MAGI1: variants seen among roughly 807,000 people sequenced by gnomAD.
MAGI1 encodes membrane associated guanylate kinase, WW and PDZ domain containing 1.
A neutral mutation model predicts 139.9 loss-of-function variants in MAGI1; 58 were observed. The observed-to-expected ratio is 0.41, with a 90% CI of 0.34 to 0.52. The LOEUF is 0.52. Ranked by LOEUF, MAGI1 falls within the 20% of genes least tolerant of loss-of-function variation. MAGI1 has a pLI of 0.12. For missense variants in MAGI1, 1,874 were observed against 1,901.6 expected (o/e 0.99, Z 0.27); for synonymous variants, 812 against 737.9 (o/e 1.10, Z -1.63).
chr3:65,621,665 C>T (rs1054770676), intron 2 of MAGI1, among the ~76,000 whole-genome samples: 1 of 152,142 alleles, frequency 6.6e-6, no homozygotes, highest in African/African-American at 2.4e-5. Flanking sequence ...GCCTTCTGTG[C>T]CTGATCTCAT....
At chr3:65,653,311 A>C (rs1411673751) in intron 1 of MAGI1, among the ~76,000 whole-genome samples, 2 of 152,198 alleles carry the variant, frequency 1.3e-5, no homozygotes, top group East Asian at 3.9e-4. Context: ...GAAGCCTCCT[A>C]ATCAGTCGCT....
chr3:65,921,247 A>T (rs1162400717), intron 1 of MAGI1, among the ~76,000 whole-genome samples: 2 of 152,138 alleles, frequency 1.3e-5, no homozygotes, highest in African/African-American at 4.8e-5. Flanking sequence ...ATGTATAACA[A>T]AAAAAATTGA....
chr3:65,800,616 GA>G (rs2108126602), intron 1 of MAGI1, among the ~76,000 whole-genome samples: 1 of 143,496 alleles, frequency 7.0e-6, no homozygotes, highest in South Asian at 2.4e-4. Flanking sequence ...CCCACCATGG[GA>G]AATACGTTTT....
At chr3:65,871,899 C>A (rs1474622299) in intron 1 of MAGI1, among the ~76,000 whole-genome samples, 1 of 152,186 alleles carries the variant, frequency 6.6e-6, no homozygotes, top group Admixed American at 6.5e-5. Context: ...GGCTGCTATT[C>A]TATTCTGCCT....
chr3:65,676,190 A>T (rs1445667473), intron 1 of MAGI1, among the ~76,000 whole-genome samples: 2 of 152,214 alleles, frequency 1.3e-5, no homozygotes, highest in Non-Finnish European at 1.5e-5. Context: ...GTTTCTCTAT[A>T]CAGAGAAACT....
intron 1 of MAGI1, among the ~76,000 whole-genome samples, chr3:65,652,870 G>T (rs1232715799): frequency 1.3e-5 from 2 of 152,098 alleles, no homozygotes; most frequent in African/African-American, 4.8e-5. Context: ...AATTATTATG[G>T]GGCATACCTG....
At chr3:65,813,431 A>G (rs551977534) in intron 1 of MAGI1, among the ~76,000 whole-genome samples, 1 of 152,068 alleles carries the variant, frequency 6.6e-6, no homozygotes, top group South Asian at 2.1e-4. Context: ...GCGAATTATG[A>G]AAAAAAATGA....
intron 1 of MAGI1, among the ~76,000 whole-genome samples, chr3:65,688,842 G>A (rs559380312): frequency 6.6e-5 from 10 of 152,248 alleles, no homozygotes; most frequent in Admixed American, 6.5e-4. Flanking sequence ...ATAATAAAGG[G>A]AACACATTGA....
intron 2 of MAGI1, among the ~76,000 whole-genome samples, chr3:65,536,019 C>T (rs2078944563): frequency 6.6e-6 from 1 of 152,152 alleles, no homozygotes. Context: ...TGGAGAAATC[C>T]AACTCATGAC....
rs556509303 is a variant in MAGI1, at chr3:65,441,789, G to C, written c.1136+1003C>G. Among the ~76,000 whole-genome samples, 5 of 152,274 alleles carry C rather than the reference G, an allele frequency of 3.3e-5. No individual in the cohort carries two copies. The East Asian group carries it at 9.7e-4, about 29-fold the overall frequency. ...CTTGTTAGGCAAAGTGGAGGTAAAA[G>C]TTAGTACTGGCCAAGGACACTTGCT... On this transcript the variant is annotated intron_variant, in intron 8 of 22. Coordinates refer to ENST00000402939, the MANE Select transcript of MAGI1 (RefSeq NM_001033057.2).
At chr3:65,673,012 T>TA (rs1439544586) in intron 1 of MAGI1, among the ~76,000 whole-genome samples, 5 of 152,082 alleles carry the variant, frequency 3.3e-5, no homozygotes, top group Non-Finnish European at 5.9e-5. Context: ...AGGTGAGTAT[T>TA]AAAAAATATT....
rs1275205684 is a variant in MAGI1 at position 65,356,248 on chromosome 3, ATGTT to A, written c.*126_*129del. The A allele has an allele frequency of 7.2e-6, 6 of 833,986 alleles. No individual in the cohort carries two copies. The highest frequency in any genetic ancestry group is 5.2e-5 in the African/African-American group (3 of 57,446). The allele number at this position is 833,986 out of a possible 1,614,324, so 51.7% of individuals were successfully genotyped here. The stretch of plus-strand genomic sequence containing the variant: ...TCTTATAAGATTTCAAATGCATAAA[ATGTT>A]TGTTGTTATTCATAGGATCATCAGG... On this transcript the variant is annotated 3_prime_UTR_variant, in exon 23 of 23. Transcript: ENST00000402939.
chr3:65,720,299 C>T (rs1368434178), intron 1 of MAGI1, among the ~76,000 whole-genome samples: 2 of 152,242 alleles, frequency 1.3e-5, no homozygotes, highest in East Asian at 1.9e-4. Flanking sequence ...GTGCTGGTCA[C>T]CGAGTCCTCT....
intron 1 of MAGI1, among the ~76,000 whole-genome samples, chr3:65,798,931 C>G (rs74642687): frequency 0.014 from 2,169 of 152,184 alleles, 56 homozygotes; most frequent in African/African-American, 0.05. Context: ...AATCACATAT[C>G]GGCCACCTCA....
At chr3:65,484,329 C>T (rs1231682122) in intron 3 of MAGI1, among the ~76,000 whole-genome samples, 1 of 152,232 alleles carries the variant, frequency 6.6e-6, no homozygotes, top group Admixed American at 6.5e-5. Flanking sequence ...ATTGGGGGTA[C>T]TTGTCTGTCT....
At position 65,583,331 on chromosome 3, in the gene MAGI1, C is replaced by T. The variant is rs116612733; in HGVS notation, c.430+38641G>A. On this transcript the variant is annotated intron_variant, in intron 2 of 22. Transcript: ENST00000402939. ...CTATGATGACACTACTTTCATTACT[C>T]TCAGCACCAAAACATGCGTCTTGCA... 4.3e-3 allele frequency among the ~76,000 whole-genome samples: 654 copies of T among 152,250 alleles called. 3 individuals carry two copies. Among genetic ancestry groups the T allele is most frequent in the African/African-American group, 0.015 (625 of 41,556 alleles).
intron 3 of MAGI1, among the ~76,000 whole-genome samples, chr3:65,486,040 G>A (rs535748844): frequency 6.6e-6 from 1 of 152,266 alleles, no homozygotes; most frequent in East Asian, 1.9e-4. Context: ...ACAACAGACT[G>A]CTTCTAAGGC....
intron 1 of MAGI1, among the ~76,000 whole-genome samples, chr3:65,662,212 C>A (rs2086238680): frequency 6.6e-6 from 1 of 152,230 alleles, no homozygotes; most frequent in Non-Finnish European, 1.5e-5. Flanking sequence ...TGCCCTCTCT[C>A]TCCTTCAATT....
intron 1 of MAGI1, among the ~76,000 whole-genome samples, chr3:65,832,375 T>A (rs1488733375): frequency 1.3e-5 from 2 of 152,190 alleles, no homozygotes; most frequent in African/African-American, 2.4e-5. Context: ...TTAGCACATG[T>A]AATGAAACTG....
Sources: allele counts gnomAD v4.1 joint callset (sites outside exome capture counted in the v4.1 genomes callset), GRCh38; gene constraint gnomAD v4.1.1; transcripts MANE v1.5; gene names NCBI Gene and HGNC (gene_info 2026-07-23, HGNC 2026-07-21).